Variants in ZFPM1 observed in about 807,000 individuals in gnomAD.
ZFPM1 encodes zinc finger protein, FOG family member 1, also known as zinc finger protein ZFPM1.
ZFPM1 carries 28 observed loss-of-function variants against 46.3 expected under a neutral mutation model. The ratio of observed to expected loss-of-function variants is 0.60; its 90% CI spans 0.45 to 0.83. The LOEUF (loss-of-function observed/expected upper bound fraction) is 0.83, where lower values mean the gene tolerates loss of function less well. Among genes scored for constraint, ZFPM1 ranks in the 40% least tolerant of loss-of-function variants. The probability of loss-of-function intolerance (pLI) is 0.00; values close to 1 mark genes in which losing one functional copy is unlikely to be tolerated. For missense variants in ZFPM1, 1,878 were observed against 1,432.4 expected (o/e 1.31, Z -5.02); for synonymous variants, 957 against 675.9 (o/e 1.42, Z -6.45).
At chr16:88,474,832 CCT>C (rs1470298540) in intron 1 of ZFPM1, among the ~76,000 whole-genome samples, 2 of 152,252 alleles carry the variant, frequency 1.3e-5, no homozygotes, top group Non-Finnish European at 2.9e-5. Context: ...GCATCTGGGG[CCT>C]CTCTGCCTCC....
At chr16:88,525,948 A>G (rs1226436263) in intron 4 of ZFPM1, among the ~76,000 whole-genome samples, 1 of 152,234 alleles carries the variant, frequency 6.6e-6, no homozygotes, top group East Asian at 1.9e-4. Context: ...ACAGCATGGC[A>G]TGGCCCGAGG....
intron 1 of ZFPM1, among the ~76,000 whole-genome samples, chr16:88,458,362 C>G (rs1907649803): frequency 6.6e-6 from 1 of 152,202 alleles, no homozygotes; most frequent in African/African-American, 2.4e-5. Flanking sequence ...CCCTGGGAGG[C>G]TCATCCGGGC....
chr16:88,491,026 G>GGTCAGGCGCTGGTGCCTTCGGGGGTCCCA (rs1567536427), intron 3 of ZFPM1, among the ~76,000 whole-genome samples: 1 of 148,406 alleles, frequency 6.7e-6, no homozygotes, highest in African/African-American at 2.5e-5. Flanking sequence ...CGGGGCTCTC[G>GGTCAGGCGCTGGTGCCTTCGGGGGTCCCA]GTCAGGCGCT....
chr16:88,472,008 C>T (rs1449207065), intron 1 of ZFPM1, among the ~76,000 whole-genome samples: 1 of 152,236 alleles, frequency 6.6e-6, no homozygotes, highest in Non-Finnish European at 1.5e-5. Context: ...CCCGGCAGGG[C>T]CAAACCCTGA....
rs758554890 is a variant in ZFPM1, at chr16:88,534,085, C to A, written c.2127C>A (p.Arg709=). The A allele has an allele frequency of 3.9e-5, 47 of 1,219,164 alleles. No homozygotes were observed. In the African/African-American group the frequency reaches 5.7e-4, roughly 15 times the overall value. 75.5% of individuals were successfully genotyped at this position (1,219,164 alleles called of 1,614,324 possible). The change falls in exon 10 of 10, where the codon CGC becomes CGA. Residue 709 remains arginine, a synonymous_variant. Coordinates refer to ENST00000319555, the MANE Select transcript of ZFPM1 (RefSeq NM_153813.3). ...ACAAGCGGTACTACTGCGCCTCGCGCCACGACCCGCCGCCGCGCCGACCGG... is the reference window on the plus strand; with the variant it reads ...ACAAGCGGTACTACTGCGCCTCGCGACACGACCCGCCGCCGCGCCGACCGG... ...TVHKRYYCAS[R]HDPPPRRPAA...
chr16:88,487,143 AC>A (rs1348764426), intron 2 of ZFPM1, among the ~76,000 whole-genome samples: 1 of 152,158 alleles, frequency 6.6e-6, no homozygotes, highest in Non-Finnish European at 1.5e-5. Context: ...AGCCAGCTGT[AC>A]CCCAGACACA....
intron 3 of ZFPM1, among the ~76,000 whole-genome samples, chr16:88,494,280 T>C (rs1567538106): frequency 2.0e-5 from 3 of 152,036 alleles, no homozygotes; most frequent in Admixed American, 2.0e-4. Flanking sequence ...AGCAGCCACC[T>C]TGCGCTCCCC....
chr16:88,495,688 C>G (rs1205686497), intron 3 of ZFPM1, among the ~76,000 whole-genome samples: 1 of 152,176 alleles, frequency 6.6e-6, no homozygotes, highest in Non-Finnish European at 1.5e-5. Context: ...GCCCACAGGA[C>G]TTGCCCACCA....
intron 3 of ZFPM1, among the ~76,000 whole-genome samples, chr16:88,507,208 C>T (rs148156270): frequency 4.6e-5 from 7 of 152,284 alleles, no homozygotes; most frequent in African/African-American, 1.7e-4. Flanking sequence ...GTGTAACCTC[C>T]GACGTGGCCC....
At chr16:88,479,833 G>A (rs1908850628) in intron 1 of ZFPM1, among the ~76,000 whole-genome samples, 1 of 78,928 alleles carries the variant, frequency 1.3e-5, no homozygotes, top group Non-Finnish European at 2.5e-5. Flanking sequence ...GCCCCTCTCC[G>A]CTCCCCTCCC....
At position 88,534,807 on chromosome 16, in the gene ZFPM1, C is replaced by A. The variant is rs373519197; in HGVS notation, c.2849C>A (p.Pro950His). ...PEAVPPPPAP[P>H]SYSDKGVQTP... ...GCCGTGCCGCCCCCGCCGGCGCCCCCCTCCTACTCGGACAAGGGCGTCCAG... is the reference window on the plus strand; with the variant it reads ...GCCGTGCCGCCCCCGCCGGCGCCCCACTCCTACTCGGACAAGGGCGTCCAG... The change falls in exon 10 of 10, where the codon CCC becomes CAC. Residue 950 changes from proline (P) to histidine (H), a missense_variant. By Grantham distance (77) the Pro-to-His change is moderately conservative (BLOSUM62 -2). Transcript: ENST00000319555. 3 of 1,423,632 alleles carry A rather than the reference C, an allele frequency of 2.1e-6. No homozygotes were observed. Among genetic ancestry groups the A allele is most frequent in the African/African-American group, 1.5e-5 (1 of 68,882 alleles). 88.2% of individuals were successfully genotyped at this position (1,423,632 alleles called of 1,614,324 possible). A position where few individuals can be genotyped will look rare whatever the true frequency, so the allele number is the denominator to read the frequency against.
intron 9 of ZFPM1, 97 bp from the exon 10 acceptor site, chr16:88,533,051 T>TGGCCC: frequency 3.7e-6 from 5 of 1,351,610 alleles, no homozygotes; most frequent in African/African-American, 1.5e-5. Context: ...TCTAAACCAC[T>TGGCCC]CCCGCCCACC....
chr16:88,485,152 C>A (rs1035883120), intron 1 of ZFPM1, among the ~76,000 whole-genome samples: 3 of 152,148 alleles, frequency 2.0e-5, no homozygotes, highest in African/African-American at 7.2e-5. Context: ...TGATGCCAGG[C>A]GGAGGCCGTG....
intron 5 of ZFPM1, 76 bp downstream of exon 5, chr16:88,526,992 T>G: frequency 6.7e-7 from 1 of 1,489,470 alleles, no homozygotes; most frequent in Non-Finnish European, 9.0e-7. Flanking sequence ...GGCTGAGCCC[T>G]TAAAGGGAAA....
chr16:88,486,912 A>G (rs966915247), intron 2 of ZFPM1, among the ~76,000 whole-genome samples: 6 of 152,164 alleles, frequency 3.9e-5, no homozygotes, highest in African/African-American at 1.4e-4. Context: ...TTCACAGACC[A>G]GAGAAGTTTG....
chr16:88,489,920 G>A (rs1909462655), intron 3 of ZFPM1, among the ~76,000 whole-genome samples: 1 of 151,356 alleles, frequency 6.6e-6, no homozygotes, highest in African/African-American at 2.4e-5. Context: ...GCCGTCATGG[G>A]AGCTGGTGGG....
Position 88,497,308 on chromosome 16 carries a change from A to C in ZFPM1, c.268+8155A>C, listed in dbSNP as rs1781524894. 6.6e-6 allele frequency among the ~76,000 whole-genome samples: 1 copy of C among 151,862 alleles called. No individual in the cohort carries two copies. Among genetic ancestry groups the C allele is most frequent in the East Asian group, 1.9e-4 (1 of 5,148 alleles). On this transcript the variant is annotated intron_variant, in intron 3 of 9. Coordinates refer to ENST00000319555, the MANE Select transcript of ZFPM1 (RefSeq NM_153813.3). This position sits in a 1 kb window ranked among gnomAD's most constrained non-coding sequence, Gnocchi z 5.4. ...CCCCATTCCAAGGTGTGACAGACACAGTAGAGTGGGGTCGGGTGTGCACAA... is the reference window on the plus strand; with the variant it reads ...CCCCATTCCAAGGTGTGACAGACACCGTAGAGTGGGGTCGGGTGTGCACAA...
rs993030969 is a variant in ZFPM1 at position 88,534,757 on chromosome 16, C to G, written c.2799C>G (p.Pro933=). The G allele has an allele frequency of 2.8e-6, 3 of 1,073,424 alleles. No individual in the cohort carries two copies. The highest frequency in any genetic ancestry group is 1.7e-5 in the African/African-American group (1 of 58,600). The allele number at this position is 1,073,424 out of a possible 1,614,324, so 66.5% of individuals were successfully genotyped here. Residue 933 remains proline, a synonymous_variant, in exon 10 of 10, where the codon CCC becomes CCG. Coordinates refer to ENST00000319555, the MANE Select transcript of ZFPM1 (RefSeq NM_153813.3). ...PEPQEPPPGP[P]PSPAAAPEAV... The stretch of plus-strand genomic sequence containing the variant: ...CCCAGGAGCCGCCGCCCGGCCCGCC[C>G]CCGTCCCCGGCCGCCGCGCCCGAGG...
chr16:88,456,423 T>G (rs1297381963), intron 1 of ZFPM1, among the ~76,000 whole-genome samples: 1 of 150,494 alleles, frequency 6.6e-6, no homozygotes, highest in African/African-American at 2.4e-5. Flanking sequence ...GTGGTTTCCA[T>G]GGCCCAGACT....
Sources: gnomAD v4.1 joint callset for allele counts (sites outside exome capture counted in the v4.1 genomes callset) on GRCh38, gnomAD v4.1.1 for gene constraint, Gnocchi (gnomAD v3.1) non-coding constraint, MANE v1.5 for transcripts, NCBI Gene and HGNC (gene_info 2026-07-23, HGNC 2026-07-21) for gene names.